PID1: variants seen among roughly 807,000 people sequenced by gnomAD.
PID1 encodes the protein PTB-containing, cubilin and LRP1-interacting protein.
A neutral mutation model predicts 19.1 loss-of-function variants in PID1; 10 were observed. That is an observed-to-expected ratio of 0.52 (90% CI 0.32 to 0.89). PID1 has a LOEUF of 0.89. Ranked by LOEUF, PID1 falls within the 40% of genes least tolerant of loss-of-function variation. PID1 has a pLI of 0.03. For synonymous variants in PID1, 130 were observed against 116.0 expected (o/e 1.12, Z -0.78); for missense variants, 248 against 285.3 (o/e 0.87, Z 0.94).
intron 1 of PID1, among the ~76,000 whole-genome samples, chr2:229,233,435 G>T (rs1692258500): frequency 6.6e-6 from 1 of 151,910 alleles, no homozygotes; most frequent in Non-Finnish European, 1.5e-5. Context: ...GAAAAAAGAG[G>T]TATAGAAATG....
At chr2:229,070,069 C>A (rs1694421784) in intron 2 of PID1, among the ~76,000 whole-genome samples, 1 of 152,178 alleles carries the variant, frequency 6.6e-6, no homozygotes, top group African/African-American at 2.4e-5. Context: ...GCCAAAGAAG[C>A]CAGCCCTGCT....
At chr2:229,128,738 T>C (rs925473223) in intron 2 of PID1, among the ~76,000 whole-genome samples, 1 of 152,352 alleles carries the variant, frequency 6.6e-6, no homozygotes. Context: ...TAATCCTTAT[T>C]TATTCCCTGT....
chr2:229,118,469 C>G (rs1695452784), intron 2 of PID1, among the ~76,000 whole-genome samples: 1 of 152,118 alleles, frequency 6.6e-6, no homozygotes, highest in South Asian at 2.1e-4. Context: ...CTGCCACTAA[C>G]CAGCTCTGAG....
rs181400760 is a variant in PID1 at position 229,197,710 on chromosome 2, C to T, written c.31-41746G>A. The stretch of plus-strand genomic sequence containing the variant: ...TACTAAACCCTAACTGAGGTCAAAG[C>T]AATATAATCCCTCTTGCTTTTATTT... On this transcript the variant is annotated intron_variant, in intron 1 of 2. Coordinates refer to ENST00000392055, the MANE Select transcript of PID1 (RefSeq NM_001100818.2). 5.8e-3 allele frequency among the ~76,000 whole-genome samples: 884 copies of T among 151,956 alleles called. 9 individuals carry two copies. The highest frequency in any genetic ancestry group is 0.02 in the African/African-American group (833 of 41,468).
chr2:229,134,159 G>A (rs927176252), intron 2 of PID1, among the ~76,000 whole-genome samples: 3 of 151,222 alleles, frequency 2.0e-5, no homozygotes, highest in African/African-American at 4.9e-5. Context: ...ACTAAAGGCC[G>A]ATCTCTGGCT....
At position 229,250,977 on chromosome 2, in the gene PID1, G is replaced by A. The variant is rs1238316812; in HGVS notation, c.30+20037C>T. On this transcript the variant is annotated intron_variant, in intron 1 of 2. Coordinates refer to ENST00000392055, the MANE Select transcript of PID1 (RefSeq NM_001100818.2). ...TCAGTCAACATTTGCTGAAAGTAAAGACTATGGGAAATTAACACGAGGAGA... is the reference window on the plus strand; with the variant it reads ...TCAGTCAACATTTGCTGAAAGTAAAAACTATGGGAAATTAACACGAGGAGA... Among the ~76,000 whole-genome samples, 3 of 152,284 alleles carry A rather than the reference G, an allele frequency of 2.0e-5. No individual in the cohort carries two copies. The East Asian group carries it at 5.8e-4, about 29-fold the overall frequency.
intron 1 of PID1, among the ~76,000 whole-genome samples, chr2:229,205,340 T>A (rs574962655): frequency 6.6e-6 from 1 of 152,196 alleles, no homozygotes; most frequent in African/African-American, 2.4e-5. Flanking sequence ...TGTGTACATG[T>A]ATGAATCACT....
chr2:229,045,664 CAG>C (rs1202314647), intron 2 of PID1, among the ~76,000 whole-genome samples: 1 of 152,236 alleles, frequency 6.6e-6, no homozygotes, highest in East Asian at 1.9e-4. Flanking sequence ...TACAACAAAA[CAG>C]AGTTTGGGGT....
chr2:229,039,808 ACTTAGTACAACC>A (rs1693731713), intron 2 of PID1, among the ~76,000 whole-genome samples: 1 of 152,206 alleles, frequency 6.6e-6, no homozygotes, highest in Non-Finnish European at 1.5e-5. Context: ...TTGGAATGCA[ACTTAGTACAACC>A]CTTTTGGAAG....
intron 2 of PID1, among the ~76,000 whole-genome samples, chr2:229,155,265 T>C (rs778546813): frequency 3.3e-5 from 5 of 152,150 alleles, no homozygotes; most frequent in Non-Finnish European, 7.4e-5. Flanking sequence ...TATTCATATA[T>C]ACTAAAACCT....
intron 1 of PID1, among the ~76,000 whole-genome samples, chr2:229,185,711 G>A (rs912542444): frequency 9.9e-5 from 15 of 152,026 alleles, no homozygotes; most frequent in Admixed American, 3.3e-4. Flanking sequence ...AGGAAAGACT[G>A]CCCCCATGAT....
At position 229,219,227 on chromosome 2, in the gene PID1, G is replaced by C. The variant is rs146622624; in HGVS notation, c.30+51787C>G. Among the ~76,000 whole-genome samples the C allele has an allele frequency of 1.1e-3, 172 of 152,178 alleles. 1 individual carries two copies. Among genetic ancestry groups the C allele is most frequent in the African/African-American group, 3.8e-3 (156 of 41,506 alleles). Reference sequence around the variant, plus strand: ...CTGCTAATAAAGATACACCCGAGACGCGAGACTGGGTATTTTGTAAAGGAA... The same window carrying C: ...CTGCTAATAAAGATACACCCGAGACCCGAGACTGGGTATTTTGTAAAGGAA... On this transcript the variant is annotated intron_variant, in intron 1 of 2. Transcript: ENST00000392055.
intron 2 of PID1, among the ~76,000 whole-genome samples, chr2:229,042,166 G>T (rs868418813): frequency 6.6e-6 from 1 of 152,024 alleles, no homozygotes; most frequent in Non-Finnish European, 1.5e-5. Context: ...ATAATTGTGT[G>T]TCTGTAAGAG....
At chr2:229,194,004 C>A (rs762581183) in intron 1 of PID1, among the ~76,000 whole-genome samples, 7 of 152,018 alleles carry the variant, frequency 4.6e-5, no homozygotes, top group Non-Finnish European at 8.8e-5. Context: ...GAATTTATTA[C>A]CCCATGTATA....
chr2:229,153,571 C>T (rs1487919356), intron 2 of PID1, among the ~76,000 whole-genome samples: 1 of 152,172 alleles, frequency 6.6e-6, no homozygotes, highest in Non-Finnish European at 1.5e-5. Context: ...TTGGCACACT[C>T]TTCTGATTTC....
At chr2:229,182,355 T>A (rs2106219886) in intron 1 of PID1, among the ~76,000 whole-genome samples, 1 of 152,210 alleles carries the variant, frequency 6.6e-6, no homozygotes, top group Non-Finnish European at 1.5e-5. Context: ...GCCTTCCACC[T>A]CAATTTTGCT....
At chr2:229,050,698 C>A (rs1280981848) in intron 2 of PID1, among the ~76,000 whole-genome samples, 1 of 152,114 alleles carries the variant, frequency 6.6e-6, no homozygotes, top group East Asian at 1.9e-4. Context: ...CTGCCATTAG[C>A]CATCTGGTCA....
chr2:229,053,841 T>G (rs192255458), intron 2 of PID1, among the ~76,000 whole-genome samples: 1 of 152,284 alleles, frequency 6.6e-6, no homozygotes, highest in East Asian at 1.9e-4. Context: ...GAGAGCCCAA[T>G]CAGTCAAGAC....
At chr2:229,187,613 G>C (rs941586770) in intron 1 of PID1, among the ~76,000 whole-genome samples, 2 of 152,050 alleles carry the variant, frequency 1.3e-5, no homozygotes, top group Non-Finnish European at 2.9e-5. Context: ...CACAATACCT[G>C]GGAATTCAAG....
Sources: gnomAD v4.1 joint callset for allele counts (sites outside exome capture counted in the v4.1 genomes callset) on GRCh38, gnomAD v4.1.1 for gene constraint, MANE v1.5 for transcripts, NCBI Gene and HGNC (gene_info 2026-07-23, HGNC 2026-07-21) for gene names.